The following PRKG1 variants were observed in gnomAD, a reference collection of about 807,000 sequenced individuals.
PRKG1 encodes the protein cGMP-dependent protein kinase 1.
PRKG1 carries 35 observed loss-of-function variants against 88.1 expected under a neutral mutation model. The ratio of observed to expected loss-of-function variants is 0.40; its 90% CI spans 0.30 to 0.53. The LOEUF (loss-of-function observed/expected upper bound fraction) is 0.53, where lower values mean the gene tolerates loss of function less well. Ranked by LOEUF, PRKG1 falls within the 20% of genes least tolerant of loss-of-function variation. The pLI is 0.59. For synonymous variants in PRKG1, 303 were observed against 292.5 expected (o/e 1.04, Z -0.37); for missense variants, 540 against 839.8 (o/e 0.64, Z 4.41).
intron 7 of PRKG1, among the ~76,000 whole-genome samples, chr10:52,071,938 G>A (rs1432834563): frequency 6.6e-6 from 1 of 152,074 alleles, no homozygotes; most frequent in African/African-American, 2.4e-5. Flanking sequence ...ATTTACTTGG[G>A]CTGACAGAGA....
chr10:51,241,617 AC>A (rs1329870162), intron 2 of PRKG1, among the ~76,000 whole-genome samples: 1 of 152,090 alleles, frequency 6.6e-6, no homozygotes, highest in Admixed American at 6.6e-5. Flanking sequence ...GCAAACCCAA[AC>A]CTATAAAGTG....
At chr10:51,796,968 G>A (rs1839027709) in intron 3 of PRKG1, among the ~76,000 whole-genome samples, 1 of 151,120 alleles carries the variant, frequency 6.6e-6, no homozygotes. Context: ...TCTTTGCTTG[G>A]AGTCTTGCAA....
At chr10:51,990,804 G>C (rs954878489) in intron 5 of PRKG1, among the ~76,000 whole-genome samples, 1 of 151,978 alleles carries the variant, frequency 6.6e-6, no homozygotes, top group Non-Finnish European at 1.5e-5. Flanking sequence ...CCACTTATAA[G>C]TGAGAACATA....
At chr10:51,021,920 A>G (rs1043259022) in intron 1 of PRKG1, among the ~76,000 whole-genome samples, 3 of 152,152 alleles carry the variant, frequency 2.0e-5, no homozygotes, top group South Asian at 2.1e-4. Context: ...ACCTCAGGCA[A>G]TCCACCTGCC....
chr10:51,407,929 G>T (rs1220532087), intron 2 of PRKG1, among the ~76,000 whole-genome samples: 1 of 152,156 alleles, frequency 6.6e-6, no homozygotes, highest in East Asian at 1.9e-4. Flanking sequence ...GGTAGGAGGA[G>T]CCTGGCGGCA....
Position 51,627,960 on chromosome 10 carries a change from TTCTTTCTTTC to T in PRKG1, c.592+160136_592+160145del, listed in dbSNP as rs1335995784. 2.4e-3 allele frequency among the ~76,000 whole-genome samples: 52 copies of T among 21,834 alleles called. 1 individual carries two copies. Among genetic ancestry groups the T allele is most frequent in the Admixed American group, 7.9e-3 (12 of 1,512 alleles). 14.3% of individuals were successfully genotyped at this position (21,834 alleles called of 152,430 possible). ...TTCCTTCCTTTCTTTCTTTCTTTCTTTCTTTCTTTCTCTTTCTTTCTTTCTTTCTTTCTCT... is the reference window on the plus strand; with the variant it reads ...TTCCTTCCTTTCTTTCTTTCTTTCTTTCTTTCTTTCTTTCTTTCTTTCTCT... On this transcript the variant is annotated intron_variant, in intron 3 of 17. Transcript: ENST00000373980.
intron 3 of PRKG1, among the ~76,000 whole-genome samples, chr10:51,735,017 C>T (rs1180231079): frequency 6.6e-6 from 1 of 152,082 alleles, no homozygotes; most frequent in Non-Finnish European, 1.5e-5. Context: ...AAATCCCGGG[C>T]TCTGAAGAAG....
At chr10:52,274,534 T>TATAC (rs1554823221) in intron 12 of PRKG1, among the ~76,000 whole-genome samples, 23 of 149,974 alleles carry the variant, frequency 1.5e-4, no homozygotes, top group African/African-American at 3.7e-4. Flanking sequence ...TATATATATA[T>TATAC]ACACACACAC....
intron 2 of PRKG1, among the ~76,000 whole-genome samples, chr10:51,419,154 T>G (rs1838333899): frequency 1.3e-5 from 2 of 152,194 alleles, no homozygotes. Flanking sequence ...ATTCTCACAT[T>G]TCTATCCTTT....
chr10:51,293,807 A>G (rs140667869), intron 2 of PRKG1, among the ~76,000 whole-genome samples: 144 of 152,230 alleles, frequency 9.5e-4, no homozygotes, highest in African/African-American at 3.4e-3. Context: ...GTTTTTCACA[A>G]TGGCTATACC....
At chr10:51,039,204 T>G (rs1369724314) in intron 1 of PRKG1, among the ~76,000 whole-genome samples, 3 of 152,180 alleles carry the variant, frequency 2.0e-5, no homozygotes, top group Non-Finnish European at 2.9e-5. Context: ...CCACCAACAG[T>G]GTATGATGGT....
intron 10 of PRKG1, among the ~76,000 whole-genome samples, chr10:52,265,084 AT>A (rs1421252934): frequency 1.3e-5 from 2 of 152,086 alleles, no homozygotes; most frequent in African/African-American, 2.4e-5. Context: ...GATGTATAGA[AT>A]TCTCTAGCTG....
intron 2 of PRKG1, among the ~76,000 whole-genome samples, chr10:51,310,350 G>T (rs1330038659): frequency 6.6e-6 from 1 of 152,134 alleles, no homozygotes; most frequent in Non-Finnish European, 1.5e-5. Context: ...TTTTAAAAAA[G>T]AACCTATTAT....
chr10:52,154,432 C>A (rs1838030349), intron 8 of PRKG1, among the ~76,000 whole-genome samples: 1 of 152,032 alleles, frequency 6.6e-6, no homozygotes, highest in South Asian at 2.1e-4. Flanking sequence ...AGACTAGCAA[C>A]AAATAGTGGG....
At chr10:52,216,483 G>A (rs1474276980) in intron 9 of PRKG1, among the ~76,000 whole-genome samples, 1 of 152,182 alleles carries the variant, frequency 6.6e-6, no homozygotes, top group Non-Finnish European at 1.5e-5. Flanking sequence ...AATAGTCAGA[G>A]TTAGATGGAA....
intron 1 of PRKG1, among the ~76,000 whole-genome samples, chr10:51,000,936 G>A (rs1430384827): frequency 1.3e-5 from 2 of 152,184 alleles, no homozygotes; most frequent in Non-Finnish European, 2.9e-5. Context: ...CTGTATCTGT[G>A]TTTGAATGAC....
chr10:51,015,392 C>G (rs1191292779), intron 1 of PRKG1, among the ~76,000 whole-genome samples: 1 of 152,054 alleles, frequency 6.6e-6, no homozygotes. Context: ...ACTATTTTTT[C>G]CAATTATAGG....
At chr10:51,728,453 GTTTTTTTTTTTT>G (rs56975031) in intron 3 of PRKG1, among the ~76,000 whole-genome samples, 105 of 58,812 alleles carry the variant, frequency 1.8e-3, no homozygotes, top group Middle Eastern at 0.029. Flanking sequence ...TTTTTTCTTT[GTTTTTTTTTTTT>G]TTTTTTTTTT....
chr10:51,630,685 G>A (rs1344652031), intron 3 of PRKG1, among the ~76,000 whole-genome samples: 1 of 152,158 alleles, frequency 6.6e-6, no homozygotes, highest in East Asian at 1.9e-4. Context: ...TTCTCTACCA[G>A]TTGTGCCTCA....
Sources: allele counts gnomAD v4.1 joint callset (sites outside exome capture counted in the v4.1 genomes callset), GRCh38; gene constraint gnomAD v4.1.1; transcripts MANE v1.5; gene names NCBI Gene and HGNC (gene_info 2026-07-23, HGNC 2026-07-21).